Variants in SLC4A4 observed in about 807,000 individuals in gnomAD.
SLC4A4 encodes electrogenic sodium bicarbonate cotransporter 1.
SLC4A4 carries 27 observed loss-of-function variants against 111.5 expected under a neutral mutation model. That is an observed-to-expected ratio of 0.24 (90% CI 0.18 to 0.33). SLC4A4 has a LOEUF of 0.33. Ranked by LOEUF, SLC4A4 falls within the 10% of genes least tolerant of loss-of-function variation. The pLI is 1.00. For missense variants in SLC4A4, 909 were observed against 1,315.5 expected (o/e 0.69, Z 4.78); for synonymous variants, 443 against 463.4 (o/e 0.96, Z 0.57).
chr4:71,248,372 A>G (rs1467654611), intron 2 of SLC4A4, among the ~76,000 whole-genome samples: 1 of 151,072 alleles, frequency 6.6e-6, no homozygotes, highest in Non-Finnish European at 1.5e-5. Context: ...ATATTTATAT[A>G]TAATCTCTCT....
At chr4:71,453,237 C>T (rs1725928595) in intron 11 of SLC4A4, among the ~76,000 whole-genome samples, 1 of 152,182 alleles carries the variant, frequency 6.6e-6, no homozygotes, top group Non-Finnish European at 1.5e-5. Context: ...AATGTATTTA[C>T]ACAGTTCACT....
chr4:71,195,660 C>A (rs1578577945), intron 1 of SLC4A4, among the ~76,000 whole-genome samples: 1 of 152,170 alleles, frequency 6.6e-6, no homozygotes, highest in Non-Finnish European at 1.5e-5. Flanking sequence ...ACAAATGCAT[C>A]CAGGCGTGCC....
intron 1 of SLC4A4, among the ~76,000 whole-genome samples, chr4:71,074,838 A>G (rs1328949155): frequency 6.6e-6 from 1 of 152,254 alleles, no homozygotes; most frequent in Non-Finnish European, 1.5e-5. Context: ...AGGGACTGCT[A>G]AAAATACAGC....
intron 1 of SLC4A4, among the ~76,000 whole-genome samples, chr4:71,064,961 T>G (rs1741479722): frequency 6.6e-6 from 1 of 152,234 alleles, no homozygotes; most frequent in African/African-American, 2.4e-5. Flanking sequence ...TTTTTCTGTT[T>G]ATTGCCTCCT....
chr4:71,556,053 A>T (rs1202702313), intron 21 of SLC4A4, among the ~76,000 whole-genome samples: 1 of 151,992 alleles, frequency 6.6e-6, no homozygotes, highest in East Asian at 1.9e-4. Flanking sequence ...TGTGAACATC[A>T]TAAGAATTTA....
intron 2 of SLC4A4, among the ~76,000 whole-genome samples, chr4:71,103,868 A>T (rs1317292575): frequency 7.0e-6 from 1 of 143,548 alleles, no homozygotes; most frequent in Admixed American, 7.0e-5. Flanking sequence ...AGAACTAGAA[A>T]AGCAAGAGCA....
chr4:71,486,995 C>G lies in SLC4A4; in HGVS notation c.1951C>G (p.Pro651Ala). 1 of 1,599,040 alleles carries G rather than the reference C, an allele frequency of 6.3e-7. No homozygotes were observed. Among genetic ancestry groups the G allele is most frequent in the Non-Finnish European group, 8.6e-7 (1 of 1,168,126 alleles). Residue 651 changes from proline to alanine, a missense_variant, in exon 15 of 26, where the codon CCA becomes GCA. Pro to Ala is a conservative substitution (Grantham distance 27, BLOSUM62 -1). This residue lies in a region of SLC4A4 where 264 missense variants were observed against 356.8 expected (regional missense o/e 0.74). Coordinates refer to ENST00000264485, the MANE Select transcript of SLC4A4 (RefSeq NM_001098484.3). The stretch of plus-strand genomic sequence containing the variant: ...CACCACACTGGCCCCAGAGTATTTG[C>G]CAACTATGTCTTCTACTGACATGGT... Reference protein sequence around the residue: ...NDTTLAPEYLPTMSSTDMYHN... With the variant: ...NDTTLAPEYLATMSSTDMYHN...
At chr4:71,552,004 G>C (rs1005933051) in intron 20 of SLC4A4, among the ~76,000 whole-genome samples, 1 of 151,810 alleles carries the variant, frequency 6.6e-6, no homozygotes, top group African/African-American at 2.4e-5. Flanking sequence ...CCATTCTTCT[G>C]GTCTGTACTC....
intron 2 of SLC4A4, among the ~76,000 whole-genome samples, chr4:71,114,311 C>A (rs564216922): frequency 9.2e-5 from 14 of 151,932 alleles, no homozygotes; most frequent in African/African-American, 3.4e-4. Context: ...AAAGCAATGG[C>A]AACAAAAGAC....
At position 71,506,148 on chromosome 4, in the gene SLC4A4, G is replaced by C. The variant is rs138643592; in HGVS notation, c.2166+8456G>C. On this transcript the variant is annotated intron_variant, in intron 16 of 25. Transcript: ENST00000264485. ...CCTCCAGCATTGTTCTTTTTGCTTAGGATTGCATTGGCTATTTGGGCTCTT... is the reference window on the plus strand; with the variant it reads ...CCTCCAGCATTGTTCTTTTTGCTTACGATTGCATTGGCTATTTGGGCTCTT... Among the ~76,000 whole-genome samples, 452 of 152,182 alleles carry C rather than the reference G, an allele frequency of 3.0e-3. 4 individuals are homozygous for C. The highest frequency in any genetic ancestry group is 9.8e-3 in the African/African-American group (407 of 41,544).
chr4:71,075,039 T>C (rs1227457346), intron 1 of SLC4A4, among the ~76,000 whole-genome samples: 2 of 152,208 alleles, frequency 1.3e-5, no homozygotes, highest in Admixed American at 1.3e-4. Context: ...ATTGGGGATC[T>C]CTAGCTCAGA....
chr4:71,486,055 A>G (rs754317141), intron 14 of SLC4A4, among the ~76,000 whole-genome samples: 5 of 151,548 alleles, frequency 3.3e-5, no homozygotes, highest in Non-Finnish European at 5.9e-5. Flanking sequence ...GGGATCAAAC[A>G]GTAGCTAGCA....
chr4:71,207,404 G>A (rs771341900), intron 1 of SLC4A4, among the ~76,000 whole-genome samples: 2 of 152,144 alleles, frequency 1.3e-5, no homozygotes, highest in African/African-American at 2.4e-5. Context: ...GCATGTGTGA[G>A]GATAAATTTA....
chr4:71,278,154 G>C (rs1259554189), intron 3 of SLC4A4, among the ~76,000 whole-genome samples: 1 of 151,268 alleles, frequency 6.6e-6, no homozygotes, highest in South Asian at 2.1e-4. Flanking sequence ...CTATGGGTTT[G>C]ACTTTTTTTT....
chr4:71,171,490 G>C (rs932466971), intron 2 of SLC4A4, among the ~76,000 whole-genome samples: 2 of 152,196 alleles, frequency 1.3e-5, no homozygotes, highest in Non-Finnish European at 2.9e-5. Context: ...TTGTAGAACA[G>C]GGGTAATTTT....
At chr4:71,540,767 G>A (rs887802540) in intron 18 of SLC4A4, among the ~76,000 whole-genome samples, 2 of 152,078 alleles carry the variant, frequency 1.3e-5, no homozygotes, top group South Asian at 2.1e-4. Context: ...TTAATAATCT[G>A]TATCTGTCAA....
At chr4:71,288,260 G>A (rs1724069330) in intron 3 of SLC4A4, among the ~76,000 whole-genome samples, 1 of 152,108 alleles carries the variant, frequency 6.6e-6, no homozygotes, top group Admixed American at 6.5e-5. Flanking sequence ...GGATATATAA[G>A]TTTAGGCCTA....
intron 16 of SLC4A4, among the ~76,000 whole-genome samples, chr4:71,498,373 C>T (rs1167263992): frequency 6.6e-6 from 1 of 152,060 alleles, no homozygotes; most frequent in African/African-American, 2.4e-5. Context: ...CCTGCAGAAT[C>T]AAACTAAGAT....
intron 7 of SLC4A4, chr4:71,437,534 C>A: frequency 2.1e-6 from 1 of 475,458 alleles, no homozygotes. Flanking sequence ...ACACTGTAGT[C>A]TTTGCTGAAA....
Sources: allele counts gnomAD v4.1 joint callset (sites outside exome capture counted in the v4.1 genomes callset), GRCh38; gene constraint gnomAD v4.1.1; regional missense constraint gnomAD v4.1.1; transcripts MANE v1.5; gene names NCBI Gene and HGNC (gene_info 2026-07-23, HGNC 2026-07-21).